Variants in PLEKHF1 observed in about 807,000 individuals in gnomAD.
PLEKHF1 encodes pleckstrin homology and FYVE domain containing 1.
A neutral mutation model predicts 4.1 loss-of-function variants in PLEKHF1; 1 was observed. That is an observed-to-expected ratio of 0.24 (90% CI 0.09 to 1.15). PLEKHF1 has a LOEUF of 1.15. PLEKHF1 is among the 50% of genes most tolerant of loss of function. The probability of loss-of-function intolerance (pLI) is 0.52; values close to 1 mark genes in which losing one functional copy is unlikely to be tolerated. For missense variants in PLEKHF1, 429 were observed against 400.6 expected (o/e 1.07, Z -0.60); for synonymous variants, 182 against 178.5 (o/e 1.02, Z -0.16).
In PLEKHF1 at chr19:29,674,372, G is replaced by A. The variant is rs1441101368; in HGVS notation, c.533G>A (p.Cys178Tyr). 2.6e-6 allele frequency: 4 copies of A among 1,538,072 alleles called. No individual in the cohort carries two copies. Among genetic ancestry groups the A allele is most frequent in the Non-Finnish European group, 3.5e-6 (4 of 1,146,612 alleles). ...ACGAGGCGCCACCACTGCCGCAAGT[G>A]CGGCTTCGTGGTCTGCGCTGAGTGC... ...ALTRRHHCRK[C>Y]GFVVCAECSR... The change falls in exon 2 of 2, where the codon TGC becomes TAC. Residue 178 changes from cysteine (C) to tyrosine (Y), a missense_variant. Transcript: ENST00000436066.
intron 1 of PLEKHF1, among the ~76,000 whole-genome samples, chr19:29,673,358 C>T (rs1273084570): frequency 6.6e-6 from 1 of 151,576 alleles, no homozygotes; most frequent in Non-Finnish European, 1.5e-5. Flanking sequence ...CCTCTGCCCT[C>T]TGCTGCCCAC....
At chr19:29,670,447 G>C (rs1391292232) in intron 1 of PLEKHF1, among the ~76,000 whole-genome samples, 1 of 152,180 alleles carries the variant, frequency 6.6e-6, no homozygotes, top group Non-Finnish European at 1.5e-5. Flanking sequence ...GTTGTAGTGT[G>C]CGTCAGAATT....
chr19:29,668,523 C>T (rs1971594700), intron 1 of PLEKHF1, among the ~76,000 whole-genome samples: 2 of 151,842 alleles, frequency 1.3e-5, no homozygotes, highest in Admixed American at 1.3e-4. Context: ...AGTTCAAGAC[C>T]TATCTAAGCA....
In PLEKHF1 at chr19:29,673,986, G is replaced by A. The variant is rs1568311362; in HGVS notation, c.147G>A (p.Lys49=). The change falls in exon 2 of 2, where the codon AAG becomes AAA. Residue 49 remains lysine, a synonymous_variant. Coordinates refer to ENST00000436066, the MANE Select transcript of PLEKHF1 (RefSeq NM_024310.5). ...EGVLTKECRK[K]AKPRIFFLFN... is the part of the protein sequence containing the mutation. ...TGCTGACCAAAGAGTGCCGCAAGAAGGCCAAGCCGCGCATCTTCTTCCTCT... is the reference window on the plus strand; with the variant it reads ...TGCTGACCAAAGAGTGCCGCAAGAAAGCCAAGCCGCGCATCTTCTTCCTCT... 5 of 1,613,950 alleles carry A rather than the reference G, an allele frequency of 3.1e-6. No homozygotes were observed. Among genetic ancestry groups the A allele is most frequent in the Non-Finnish European group, 4.2e-6 (5 of 1,179,996 alleles).
Position 29,674,513 on chromosome 19 carries a change from C to T in PLEKHF1, c.674C>T (p.Ala225Val), listed in dbSNP as rs560111128. Reference protein sequence around the residue: ...QRQEEAEEQGAGSPGQPAHLA... With the variant: ...QRQEEAEEQGVGSPGQPAHLA... ...CAGGAGGAGGCGGAGGAGCAGGGCGCGGGGTCCCCAGGGCAGCCAGCCCAC... is the reference window on the plus strand; with the variant it reads ...CAGGAGGAGGCGGAGGAGCAGGGCGTGGGGTCCCCAGGGCAGCCAGCCCAC... Residue 225 changes from alanine (A) to valine (V), a missense_variant, in exon 2 of 2, where the codon GCG (alanine) becomes GTG (valine). Coordinates refer to ENST00000436066, the MANE Select transcript of PLEKHF1 (RefSeq NM_024310.5). 1.3e-6 allele frequency: 2 copies of T among 1,563,598 alleles called. No homozygotes were observed. Among genetic ancestry groups the T allele is most frequent in the African/African-American group, 1.4e-5 (1 of 73,816 alleles).
At chr19:29,673,016 C>A (rs1478410435) in intron 1 of PLEKHF1, among the ~76,000 whole-genome samples, 1 of 152,192 alleles carries the variant, frequency 6.6e-6, no homozygotes, top group South Asian at 2.1e-4. Context: ...CAGCATAGTG[C>A]GAGCTCCAGG....
At chr19:29,669,980 G>A (rs965146157) in intron 1 of PLEKHF1, among the ~76,000 whole-genome samples, 3 of 152,138 alleles carry the variant, frequency 2.0e-5, no homozygotes, top group African/African-American at 7.2e-5. Flanking sequence ...TGCCCAGGCT[G>A]GAGTGCAGTG....
chr19:29,674,553 C>T lies in PLEKHF1; in HGVS notation c.714C>T (p.Ile238=), dbSNP rs775923779. ...AGCCAGCCCACCTGGCCCGGCCCATCTGCGGAGCGTCCAGTGGAGATGACG... is the reference window on the plus strand; with the variant it reads ...AGCCAGCCCACCTGGCCCGGCCCATTTGCGGAGCGTCCAGTGGAGATGACG... ...PGQPAHLARP[I]CGASSGDDDD... is the part of the protein sequence containing the mutation. The change falls in exon 2 of 2, where the codon ATC becomes ATT. Residue 238 remains isoleucine, a synonymous_variant. Transcript: ENST00000436066. 6.3e-7 allele frequency: 1 copy of T among 1,592,838 alleles called. No homozygotes were observed.
chr19:29,672,895 G>GGT, intron 1 of PLEKHF1, among the ~76,000 whole-genome samples: 1 of 152,200 alleles, frequency 6.6e-6, no homozygotes, highest in South Asian at 2.1e-4. Flanking sequence ...CTGGTGGGCT[G>GGT]GTGTGTGTGT....
At position 29,674,770 on chromosome 19, in the gene PLEKHF1, C is replaced by A. The variant is rs554554980; in HGVS notation, c.*91C>A. 7 of 1,472,458 alleles carry A rather than the reference C, an allele frequency of 4.8e-6. No individual in the cohort carries two copies. The East Asian group carries it at 1.7e-4, about 36-fold the overall frequency. The allele number at this position is 1,472,458 out of a possible 1,614,324, so 91.2% of individuals were successfully genotyped here. On this transcript the variant is annotated 3_prime_UTR_variant, in exon 2 of 2. Coordinates refer to ENST00000436066, the MANE Select transcript of PLEKHF1 (RefSeq NM_024310.5). ...CCAGAAGCTGCCCAGGGCTCCGGGA[C>A]CCCATCCCATGGTGGCAGGTGCAGC...
chr19:29,665,809 G>A (rs1971563106), intron 1 of PLEKHF1: 8 of 1,071,932 alleles, frequency 7.5e-6, no homozygotes, highest in Non-Finnish European at 9.1e-6. Context: ...AGGGGGTCGC[G>A]GGCCACCCGG....
rs1305773520 is a variant in PLEKHF1, at chr19:29,674,632, G to A, written c.793G>A (p.Val265Met). ...CAGGGACGGCGACTGGCCCAGCAGC[G>A]TGGAGTTCTACGCCTCGGGGGTGGC... The part of the protein sequence containing the change: ...GSRDGDWPSS[V>M]EFYASGVAWS... The change falls in exon 2 of 2, where the codon GTG becomes ATG. Residue 265 changes from valine (V) to methionine (M), a missense_variant. By Grantham distance (21) the Val-to-Met change is conservative. Transcript: ENST00000436066. 4.3e-6 allele frequency: 7 copies of A among 1,610,152 alleles called. No homozygotes were observed. The highest frequency in any genetic ancestry group is 1.3e-5 in the African/African-American group (1 of 74,886).
In PLEKHF1 at chr19:29,674,233, C is replaced by G. The variant is rs200981706; in HGVS notation, c.394C>G (p.Arg132Gly). ...WISHIEECVR[R>G]QLRATGRPPS... ...TAGCCACATCGAGGAGTGCGTGCGG[C>G]GGCAACTGAGGGCCACGGGCCGCCC... is the stretch of plus-strand genomic sequence containing the variant. Residue 132 changes from arginine (R) to glycine (G), a missense_variant, in exon 2 of 2, where the codon CGG (arginine) becomes GGG (glycine). Transcript: ENST00000436066. The G allele has an allele frequency of 6.2e-7, 1 of 1,611,132 alleles. No homozygotes were observed. Among genetic ancestry groups the G allele is most frequent in the East Asian group, 2.2e-5 (1 of 44,852 alleles).
chr19:29,674,022 C>A lies in PLEKHF1; in HGVS notation c.183C>A (p.Ile61=), dbSNP rs1225077762. The change falls in exon 2 of 2, where the codon ATC becomes ATA. Residue 61 remains isoleucine, a synonymous_variant. Transcript: ENST00000436066. ...GCATCTTCTTCCTCTTTAACGACAT[C>A]CTGGTGTATGGCAGCATCGTGCTCA... is the stretch of plus-strand genomic sequence containing the variant. The part of the protein sequence containing the change: ...KPRIFFLFND[I]LVYGSIVLNK... 1.2e-6 allele frequency: 2 copies of A among 1,614,146 alleles called. No homozygotes were observed. Among genetic ancestry groups the A allele is most frequent in the South Asian group, 2.2e-5 (2 of 91,090 alleles).
intron 1 of PLEKHF1, among the ~76,000 whole-genome samples, chr19:29,669,736 CTTTT>C (rs911721699): frequency 6.6e-6 from 1 of 152,074 alleles, no homozygotes; most frequent in African/African-American, 2.4e-5. Context: ...TTTAAAAAAA[CTTTT>C]TTAAAAATGA....
chr19:29,673,228 GA>G (rs1416121624), intron 1 of PLEKHF1, among the ~76,000 whole-genome samples: 1 of 152,114 alleles, frequency 6.6e-6, no homozygotes, highest in Non-Finnish European at 1.5e-5. Context: ...TGGTTTGGTG[GA>G]TGGCAGAGTC....
At chr19:29,670,823 G>A (rs1034719137) in intron 1 of PLEKHF1, among the ~76,000 whole-genome samples, 3 of 151,738 alleles carry the variant, frequency 2.0e-5, no homozygotes, top group South Asian at 2.1e-4. Flanking sequence ...GACTACAGGC[G>A]CTCGCCACCA....
At chr19:29,673,757 G>T in intron 1 of PLEKHF1, 67 bp from the exon 2 acceptor site, 1 of 1,540,720 alleles carries the variant, frequency 6.5e-7, no homozygotes, top group South Asian at 1.3e-5. Context: ...AGTTGGGGGT[G>T]GGCAGCGTGG....
Position 29,674,997 on chromosome 19 carries a change from C to A in PLEKHF1, c.*318C>A. On this transcript the variant is annotated 3_prime_UTR_variant, in exon 2 of 2. Coordinates refer to ENST00000436066, the MANE Select transcript of PLEKHF1 (RefSeq NM_024310.5). ...AGCTGGACGACCCCAGGTCTCCAGA[C>A]ATCTAGGGACCAGAGCAGGTTTGGG... 2.9e-6 allele frequency: 1 copy of A among 339,920 alleles called. No individual in the cohort carries two copies. The highest frequency in any genetic ancestry group is 5.6e-6 in the Non-Finnish European group (1 of 179,344). The allele number at this position is 339,920 out of a possible 1,614,324, so 21.1% of individuals were successfully genotyped here.
Sources: gnomAD v4.1 joint callset for allele counts (sites outside exome capture counted in the v4.1 genomes callset) on GRCh38, gnomAD v4.1.1 for gene constraint, MANE v1.5 for transcripts, NCBI Gene and HGNC (gene_info 2026-07-23, HGNC 2026-07-21) for gene names.